The following TTC7A variants were observed in gnomAD, a reference collection of about 807,000 sequenced individuals.
TTC7A encodes tetratricopeptide repeat domain 7A.
A neutral mutation model predicts 103.7 loss-of-function variants in TTC7A; 110 were observed. That is an observed-to-expected ratio of 1.06 (90% confidence interval 0.91 to 1.24). The LOEUF is 1.24. TTC7A is among the 50% of genes most tolerant of loss of function. TTC7A has a pLI of 0.00. For synonymous variants in TTC7A, 521 were observed against 467.9 expected (o/e 1.11, Z -1.47); for missense variants, 1,340 against 1,116.3 (o/e 1.20, Z -2.86).
intron 15 of TTC7A, chr2:47,035,681 T>G (rs1681027990): frequency 6.6e-6 from 1 of 152,286 alleles, no homozygotes; most frequent in Admixed American, 6.5e-5. Context: ...TTTCAGGTTT[T>G]GTTTTCAAAG....
intron 10 of TTC7A, among the ~76,000 whole-genome samples, chr2:47,009,538 A>G (rs1572895227): frequency 6.6e-6 from 1 of 152,234 alleles, no homozygotes; most frequent in East Asian, 1.9e-4. Context: ...TCTTCCTTAG[A>G]TGGCGGGGAA....
In TTC7A at chr2:46,950,553, A is replaced by T. The variant is rs1558499891; in HGVS notation, c.348+27A>T. On this transcript the variant is annotated intron_variant, in intron 2 of 19. Transcript: ENST00000319190. ...TAAGTCGTCAGCCTTCAAGCCTGAG[A>T]CCTCCTCTCCTCGTCTGTCTTGCCT... 4 of 1,610,510 alleles carry T rather than the reference A, an allele frequency of 2.5e-6. No homozygotes were observed. In the Admixed American group the frequency reaches 6.7e-5, roughly 27 times the overall value.
chr2:47,006,605 C>G (rs189547636), intron 9 of TTC7A, 36 bp from the exon 10 acceptor site: 2 of 1,575,424 alleles, frequency 1.3e-6, no homozygotes, highest in East Asian at 2.2e-5. Flanking sequence ...TGGGAGGACC[C>G]CTGGTGGGTA....
At chr2:46,930,430 C>T (rs1669629647) in intron 2 of TTC7A, among the ~76,000 whole-genome samples, 1 of 140,732 alleles carries the variant, frequency 7.1e-6, no homozygotes, top group Non-Finnish European at 1.5e-5. Flanking sequence ...GAAACGTATT[C>T]CTAGGAAAAA....
chr2:46,965,716 C>G (rs906604410), intron 3 of TTC7A, among the ~76,000 whole-genome samples: 2 of 152,014 alleles, frequency 1.3e-5, no homozygotes, highest in African/African-American at 2.4e-5. Flanking sequence ...CACGTACTAC[C>G]ATACCCTGCT....
At position 46,930,025 on chromosome 2, in the gene TTC7A, T is replaced by C. The variant is rs189473828; in HGVS notation, c.82+12748T>C. ...AGCTGGGTGGAATAGGTGGCAGGAG[T>C]GAGAAATAAACTAAGTTGGTGAAAG... is the stretch of plus-strand genomic sequence containing the variant. On this transcript the variant is annotated intron_variant, in intron 2 of 20. Transcript: ENST00000409245. Among the ~76,000 whole-genome samples, 300 of 152,142 alleles carry C rather than the reference T, an allele frequency of 2.0e-3. 2 individuals are homozygous for C. The highest frequency in any genetic ancestry group is 6.7e-3 in the African/African-American group (279 of 41,478).
intron 19 of TTC7A, among the ~76,000 whole-genome samples, chr2:47,067,461 C>A (rs1042344782): frequency 1.3e-5 from 2 of 152,186 alleles, no homozygotes; most frequent in African/African-American, 4.8e-5. Context: ...CTTGTGATGC[C>A]AGCAGGGTGC....
intron 19 of TTC7A, among the ~76,000 whole-genome samples, chr2:47,072,371 TCTC>T (rs530166616): frequency 2.5e-4 from 38 of 152,194 alleles, no homozygotes; most frequent in Non-Finnish European, 4.4e-4. Context: ...GGCCGCAAGA[TCTC>T]CAGCCAGCGC....
At chr2:47,037,401 G>A (rs906922472) in intron 15 of TTC7A, among the ~76,000 whole-genome samples, 2 of 152,200 alleles carry the variant, frequency 1.3e-5, no homozygotes, top group East Asian at 3.9e-4. Flanking sequence ...GGGGATTTGG[G>A]GATCTCACAG....
chr2:46,998,541 T>G (rs1027675992), intron 8 of TTC7A, among the ~76,000 whole-genome samples: 18 of 152,342 alleles, frequency 1.2e-4, no homozygotes, highest in Non-Finnish European at 2.4e-4. Context: ...TGATGTTGGC[T>G]GGGTTTGGCT....
At chr2:47,068,830 C>T (rs1684400867) in intron 19 of TTC7A, among the ~76,000 whole-genome samples, 1 of 138,016 alleles carries the variant, frequency 7.2e-6, no homozygotes, top group South Asian at 2.3e-4. Flanking sequence ...TTGAGCACTG[C>T]TGGCTTAATT....
intron 16 of TTC7A, among the ~76,000 whole-genome samples, chr2:47,048,652 G>C (rs1254881398): frequency 6.6e-6 from 1 of 152,300 alleles, no homozygotes; most frequent in Non-Finnish European, 1.5e-5. Flanking sequence ...GCCCAGGCTG[G>C]AGTTCAGTGG....
At chr2:47,061,343 G>A (rs1683766606) in intron 19 of TTC7A, among the ~76,000 whole-genome samples, 3 of 152,172 alleles carry the variant, frequency 2.0e-5, no homozygotes, top group Admixed American at 2.0e-4. Flanking sequence ...CAGACTCTAG[G>A]TGGTTACCAA....
intron 18 of TTC7A, among the ~76,000 whole-genome samples, chr2:47,055,575 T>C (rs964826201): frequency 2.0e-5 from 3 of 152,116 alleles, no homozygotes; most frequent in African/African-American, 7.2e-5. Context: ...TCATCCCCCA[T>C]GACCCCCATG....
chr2:46,964,411 C>T (rs1459997268), intron 3 of TTC7A, among the ~76,000 whole-genome samples: 1 of 152,142 alleles, frequency 6.6e-6, no homozygotes, highest in Non-Finnish European at 1.5e-5. Flanking sequence ...TGAGAGGGCC[C>T]AGAGCGGAGA....
intron 19 of TTC7A, among the ~76,000 whole-genome samples, chr2:47,071,364 G>A (rs1450795331): frequency 6.6e-6 from 1 of 152,046 alleles, no homozygotes; most frequent in African/African-American, 2.4e-5. Context: ...CTAGCCTACA[G>A]TCCTCCCCCA....
intron 2 of TTC7A, among the ~76,000 whole-genome samples, chr2:46,925,113 C>G (rs1388049040): frequency 1.3e-5 from 2 of 152,134 alleles, no homozygotes; most frequent in Admixed American, 6.6e-5. Context: ...ACTTGGTTTT[C>G]AATTATTTAT....
intron 15 of TTC7A, among the ~76,000 whole-genome samples, chr2:47,039,697 T>C (rs1009719187): frequency 3.3e-5 from 5 of 152,230 alleles, no homozygotes; most frequent in African/African-American, 1.2e-4. Context: ...TGACAAATAA[T>C]TAGCAGTGTG....
chr2:47,053,017 G>A (rs17541472), intron 18 of TTC7A, among the ~76,000 whole-genome samples: 25,628 of 152,118 alleles, frequency 0.17, 2,297 homozygotes, highest in Non-Finnish European at 0.2. Flanking sequence ...CCTCACATAC[G>A]GCACATTAGT....
Sources: gnomAD v4.1 joint callset for allele counts (sites outside exome capture counted in the v4.1 genomes callset) on GRCh38, gnomAD v4.1.1 for gene constraint, MANE v1.5 for transcripts, NCBI Gene and HGNC (gene_info 2026-07-23, HGNC 2026-07-21) for gene names.